Variants in DERA observed in about 807,000 individuals in gnomAD.
The protein encoded by DERA is deoxyribose-phosphate aldolase, also known as 2-deoxy-D-ribose 5-phosphate aldolase.
A neutral mutation model predicts 41.1 loss-of-function variants in DERA; 15 were observed. The observed-to-expected ratio is 0.37, with a 90% CI of 0.24 to 0.56. DERA has a LOEUF of 0.56. Among genes scored for constraint, DERA ranks in the 20% least tolerant of loss-of-function variants. The pLI, the probability that DERA is intolerant of heterozygous loss-of-function variation, is 0.81. For synonymous variants in DERA, 139 were observed against 137.4 expected (o/e 1.01, Z -0.08); for missense variants, 396 against 403.4 (o/e 0.98, Z 0.16).
chr12:15,948,556 T>C (rs1279364901), intron 1 of DERA, among the ~76,000 whole-genome samples: 2 of 152,218 alleles, frequency 1.3e-5, no homozygotes, highest in Non-Finnish European at 2.9e-5. Context: ...CATCAGGTCA[T>C]TTAAGGACTT....
intron 7 of DERA, among the ~76,000 whole-genome samples, chr12:16,034,993 T>C (rs1404553751): frequency 6.6e-6 from 1 of 152,006 alleles, no homozygotes; most frequent in Non-Finnish European, 1.5e-5. Flanking sequence ...ATAGCAGATA[T>C]GGTTGGAATC....
At chr12:15,974,756 T>G (rs533453852) in intron 5 of DERA, among the ~76,000 whole-genome samples, 1 of 152,310 alleles carries the variant, frequency 6.6e-6, no homozygotes, top group South Asian at 2.1e-4. Flanking sequence ...CATTGATGAT[T>G]TTTTCAGCTA....
chr12:15,975,662 G>A (rs1948692145), intron 5 of DERA, among the ~76,000 whole-genome samples: 1 of 152,256 alleles, frequency 6.6e-6, no homozygotes. Flanking sequence ...AACAAGGACA[G>A]CTTAAAGGTT....
Position 16,017,109 on chromosome 12 carries a change from T to C in DERA, c.638-15433T>C, listed in dbSNP as rs1592052208. Among the ~76,000 whole-genome samples the C allele has an allele frequency of 6.6e-6, 1 of 152,192 alleles. No homozygotes were observed. Among genetic ancestry groups the C allele is most frequent in the Non-Finnish European group, 1.5e-5 (1 of 68,030 alleles). On this transcript the variant is annotated intron_variant, in intron 6 of 8. Coordinates refer to ENST00000428559, the MANE Select transcript of DERA (RefSeq NM_015954.4). The surrounding 1 kb of genome is among the most constrained non-coding windows in gnomAD (Gnocchi z 5.5). Reference sequence around the variant, plus strand: ...CCCACTTTGTATTCCACTTAAATCATACTGTTTTGCATTATTTTAAATGGT... The same window carrying C: ...CCCACTTTGTATTCCACTTAAATCACACTGTTTTGCATTATTTTAAATGGT...
chr12:15,917,908 ACT>A (rs1948212511), intron 1 of DERA, among the ~76,000 whole-genome samples: 2 of 152,014 alleles, frequency 1.3e-5, no homozygotes, highest in African/African-American at 2.4e-5. Flanking sequence ...GTGATGGGTG[ACT>A]CTGTTCCCAA....
In DERA at chr12:16,035,154, A is replaced by T. The variant is rs1263104941; in HGVS notation, c.751-1078A>T. 6.6e-6 allele frequency among the ~76,000 whole-genome samples: 1 copy of T among 152,198 alleles called. No homozygotes were observed. Among genetic ancestry groups the T allele is most frequent in the Non-Finnish European group, 1.5e-5 (1 of 68,030 alleles). ...GTGGAAAGAGTGCATGTGAGGGGGT[A>T]AGGAAGGTAAGGAGGTAGAATTGTC... is the stretch of plus-strand genomic sequence containing the variant. On this transcript the variant is annotated intron_variant, in intron 7 of 8. Coordinates refer to ENST00000428559, the MANE Select transcript of DERA (RefSeq NM_015954.4). The surrounding 1 kb of genome is among the most constrained non-coding windows in gnomAD (Gnocchi z 4.1).
Position 16,000,531 on chromosome 12 carries a change from T to C in DERA, c.637+18095T>C, listed in dbSNP as rs900567827. The stretch of plus-strand genomic sequence containing the variant: ...TTACCAGTGACCCAAGAATGAGTGT[T>C]ATAGTATGCTTTTTGTAAAAAATTT... On this transcript the variant is annotated intron_variant, in intron 6 of 8. Coordinates refer to ENST00000428559, the MANE Select transcript of DERA (RefSeq NM_015954.4). The surrounding 1 kb of genome is among the most constrained non-coding windows in gnomAD (Gnocchi z 4.8). Among the ~76,000 whole-genome samples, 1 of 152,250 alleles carries C rather than the reference T, an allele frequency of 6.6e-6. No individual in the cohort carries two copies. The highest frequency in any genetic ancestry group is 1.5e-5 in the Non-Finnish European group (1 of 68,050).
In DERA at chr12:15,960,205, T is replaced by TAC. The variant is rs765732027; in HGVS notation, c.373+282_373+283insCA. 3.3e-3 allele frequency among the ~76,000 whole-genome samples: 493 copies of TAC among 149,886 alleles called. 1 individual carries two copies. Among genetic ancestry groups the TAC allele is most frequent in the Non-Finnish European group, 5.0e-3 (337 of 67,646 alleles). On this transcript the variant is annotated intron_variant, in intron 4 of 8. Transcript: ENST00000428559. ...AGGCATGACATATAGTATATATATA[T>TAC]ATACACACACACACACACACATATA...
rs1479745407 is a variant in DERA at position 15,996,129 on chromosome 12, T to C, written c.637+13693T>C. ...CTATGCAGAAGAGAAAATTATTTCA[T>C]ATGCAGACACAGACACACACACAGA... On this transcript the variant is annotated intron_variant, in intron 6 of 8. Coordinates refer to ENST00000428559, the MANE Select transcript of DERA (RefSeq NM_015954.4). This position sits in a 1 kb window ranked among gnomAD's most constrained non-coding sequence, Gnocchi z 4.7. Among the ~76,000 whole-genome samples, 1 of 149,994 alleles carries C rather than the reference T, an allele frequency of 6.7e-6. No individual in the cohort carries two copies. Among genetic ancestry groups the C allele is most frequent in the Non-Finnish European group, 1.5e-5 (1 of 67,600 alleles).
intron 5 of DERA, among the ~76,000 whole-genome samples, chr12:15,971,079 C>G (rs1432645040): frequency 6.6e-6 from 1 of 152,158 alleles, no homozygotes; most frequent in Non-Finnish European, 1.5e-5. Context: ...ATAATGTTGT[C>G]ATTAGGTTGT....
rs1440131795 is a variant in DERA, at chr12:15,992,333, C to T, written c.637+9897C>T. Among the ~76,000 whole-genome samples, 1 of 151,940 alleles carries T rather than the reference C, an allele frequency of 6.6e-6. No homozygotes were observed. The highest frequency in any genetic ancestry group is 1.5e-5 in the Non-Finnish European group (1 of 67,944). ...AATTTGAACATGTTATTTTAGAGGG[C>T]AACTCTTATTTTAGTTGAACAAAAA... On this transcript the variant is annotated intron_variant, in intron 6 of 8. Coordinates refer to ENST00000428559, the MANE Select transcript of DERA (RefSeq NM_015954.4). The surrounding 1 kb of genome is among the most constrained non-coding windows in gnomAD (Gnocchi z 4.3).
chr12:16,002,095 T>G, intron 6 of DERA, among the ~76,000 whole-genome samples: 1 of 151,910 alleles, frequency 6.6e-6, no homozygotes, highest in Admixed American at 6.6e-5. Flanking sequence ...TAACTCGTCA[T>G]TTAACATTAG....
At position 16,014,435 on chromosome 12, in the gene DERA, A is replaced by G. The variant is rs1243575620; in HGVS notation, c.638-18107A>G. Among the ~76,000 whole-genome samples, 1 of 152,210 alleles carries G rather than the reference A, an allele frequency of 6.6e-6. No individual in the cohort carries two copies. The highest frequency in any genetic ancestry group is 1.5e-5 in the Non-Finnish European group (1 of 68,028). On this transcript the variant is annotated intron_variant, in intron 6 of 8. Transcript: ENST00000428559. This position sits in a 1 kb window ranked among gnomAD's most constrained non-coding sequence, Gnocchi z 5.4. ...AAGAAGCCAATGTACAGCTCAGGCC[A>G]TTGCTTCAGAGAGTGTAAGCTCCAA...
In DERA at chr12:15,994,413, A is replaced by G. The variant is rs185548307; in HGVS notation, c.637+11977A>G. ...ATTCCTAGCATATTAACTCTTGGTT[A>G]TTTATTCCTTAATATCTGTGCCACG... On this transcript the variant is annotated intron_variant, in intron 6 of 8. Coordinates refer to ENST00000428559, the MANE Select transcript of DERA (RefSeq NM_015954.4). The surrounding 1 kb of genome is among the most constrained non-coding windows in gnomAD (Gnocchi z 4.8). Among the ~76,000 whole-genome samples the G allele has an allele frequency of 6.6e-6, 1 of 152,248 alleles. No individual in the cohort carries two copies. The highest frequency in any genetic ancestry group is 1.9e-4 in the East Asian group (1 of 5,174).
At chr12:16,022,242 C>T (rs1949021311) in intron 6 of DERA, among the ~76,000 whole-genome samples, 1 of 151,632 alleles carries the variant, frequency 6.6e-6, no homozygotes, top group African/African-American at 2.4e-5. Context: ...TGGCACCTTC[C>T]CTCTCTCTCT....
Position 16,010,635 on chromosome 12 carries a change from G to A in DERA, c.638-21907G>A, listed in dbSNP as rs1445977701. On this transcript the variant is annotated intron_variant, in intron 6 of 8. Transcript: ENST00000428559. This position sits in a 1 kb window ranked among gnomAD's most constrained non-coding sequence, Gnocchi z 5.5. ...ATTGTTTATGAACAGAAGGAGAGAG[G>A]CTGCATTGTCTCTATAAGTGGTTAG... Among the ~76,000 whole-genome samples, 1 of 151,844 alleles carries A rather than the reference G, an allele frequency of 6.6e-6. No individual in the cohort carries two copies. The highest frequency in any genetic ancestry group is 2.4e-5 in the African/African-American group (1 of 41,342).
intron 1 of DERA, among the ~76,000 whole-genome samples, chr12:15,947,208 A>C (rs778769156): frequency 6.6e-6 from 1 of 152,216 alleles, no homozygotes; most frequent in Non-Finnish European, 1.5e-5. Flanking sequence ...AGAGTTCTGT[A>C]GATGTCTATT....
At chr12:15,955,533 G>C (rs1948531722) in intron 1 of DERA, among the ~76,000 whole-genome samples, 1 of 152,140 alleles carries the variant, frequency 6.6e-6, no homozygotes, top group African/African-American at 2.4e-5. Context: ...TCTTTGAGGA[G>C]CAGGAGCAGA....
chr12:15,958,955 G>A (rs1009528181), intron 3 of DERA, among the ~76,000 whole-genome samples: 2 of 152,098 alleles, frequency 1.3e-5, no homozygotes, highest in African/African-American at 4.8e-5. Flanking sequence ...AAGGCTAAGC[G>A]GCATTCCCAA....
Sources: allele counts gnomAD v4.1 joint callset (sites outside exome capture counted in the v4.1 genomes callset), GRCh38; gene constraint gnomAD v4.1.1; non-coding constraint Gnocchi (gnomAD v3.1); transcripts MANE v1.5; gene names NCBI Gene and HGNC (gene_info 2026-07-23, HGNC 2026-07-21).